SAR1B: variants seen among roughly 807,000 people sequenced by gnomAD.
SAR1B encodes the protein small COPII coat GTPase SAR1B.
A neutral mutation model predicts 26.8 loss-of-function variants in SAR1B; 23 were observed. That is an observed-to-expected ratio of 0.86 (90% confidence interval 0.62 to 1.22). The LOEUF is 1.22. Among genes scored for constraint, SAR1B ranks in the 50% most tolerant of loss-of-function variants. The pLI is 0.00. For synonymous variants in SAR1B, 65 were observed against 80.8 expected (o/e 0.80, Z 1.05); for missense variants, 196 against 232.8 (o/e 0.84, Z 1.03).
chr5:134,608,619 G>T, intron 5 of SAR1B, 116 bp from the exon 6 acceptor site: 1 of 1,155,416 alleles, frequency 8.7e-7, no homozygotes, highest in Non-Finnish European at 1.2e-6. Flanking sequence ...TCATACCAAC[G>T]TTCTTTGTCA....
In SAR1B at chr5:134,605,923, T is replaced by C. The variant is rs529857096; in HGVS notation, c.*1027A>G. 2.0e-5 allele frequency: 3 copies of C among 152,334 alleles called. No individual in the cohort carries two copies. The highest frequency in any genetic ancestry group is 1.3e-4 in the Admixed American group (2 of 15,290). The allele number at this position is 152,334 out of a possible 1,614,324, so 9.4% of individuals were successfully genotyped here. A position where few individuals can be genotyped will look rare whatever the true frequency, so the allele number is the denominator to read the frequency against. On this transcript the variant is annotated 3_prime_UTR_variant, in exon 7 of 7. Transcript: ENST00000402673. The stretch of plus-strand genomic sequence containing the variant: ...GAAACTGCACACAAGGTCCTACTTA[T>C]TGCTTGCCCCAGAGAGTACTGTTAA...
chr5:134,610,220 A>G (rs1352684250), intron 4 of SAR1B, among the ~76,000 whole-genome samples: 1 of 152,114 alleles, frequency 6.6e-6, no homozygotes, highest in Non-Finnish European at 1.5e-5. Flanking sequence ...TAATCCCAGC[A>G]CTTTGGAAGG....
chr5:134,607,178 T>C (rs1477022266), intron 6 of SAR1B, 112 bp from the exon 7 acceptor site: 3 of 808,660 alleles, frequency 3.7e-6, no homozygotes, highest in East Asian at 2.5e-5. Context: ...GATAAATCCA[T>C]GACTGTGATA....
intron 2 of SAR1B, among the ~76,000 whole-genome samples, chr5:134,621,706 G>T (rs1352560412): frequency 6.6e-6 from 1 of 152,080 alleles, no homozygotes; most frequent in Non-Finnish European, 1.5e-5. Context: ...TAATAGACTG[G>T]AATTGAACTG....
chr5:134,625,876 C>T (rs1376365339), intron 1 of SAR1B: 1 of 152,062 alleles, frequency 6.6e-6, no homozygotes, highest in East Asian at 1.9e-4. Context: ...TGGTGAAAAG[C>T]CTTGACAGAA....
intron 4 of SAR1B, among the ~76,000 whole-genome samples, chr5:134,612,382 A>G (rs191307588): frequency 3.9e-4 from 59 of 152,292 alleles, no homozygotes; most frequent in Non-Finnish European, 8.1e-4. Context: ...GATTTCATGC[A>G]CTAGAACTAA....
intron 4 of SAR1B, among the ~76,000 whole-genome samples, chr5:134,609,885 A>G (rs1404869828): frequency 6.6e-6 from 1 of 151,926 alleles, no homozygotes; most frequent in Non-Finnish European, 1.5e-5. Context: ...TGGGCAAGTC[A>G]AATACTTTAG....
At position 134,607,007 on chromosome 5, in the gene SAR1B, C is replaced by T; in HGVS notation, c.540G>A (p.Val180=). The change falls in exon 7 of 7, where the codon GTG becomes GTA. Residue 180 remains valine, a synonymous_variant. Transcript: ENST00000402673. Reference sequence around the variant, plus strand: ...CTTCTCCGTAACCTTGTCTTTTGAGCACACTACACATGAAAACTTCTAAGG... The same window carrying T: ...CTTCTCCGTAACCTTGTCTTTTGAGTACACTACACATGAAAACTTCTAAGG... ...ARPLEVFMCS[V]LKRQGYGEGF... is the part of the protein sequence containing the mutation. 1 of 1,614,080 alleles carries T rather than the reference C, an allele frequency of 6.2e-7. No homozygotes were observed. The highest frequency in any genetic ancestry group is 8.5e-7 in the Non-Finnish European group (1 of 1,179,970).
At chr5:134,608,771 T>A (rs1048530865) in intron 5 of SAR1B, among the ~76,000 whole-genome samples, 30 of 152,204 alleles carry the variant, frequency 2.0e-4, no homozygotes, top group African/African-American at 7.0e-4. Context: ...ACCTTAGAAG[T>A]GAACAGATGT....
At chr5:134,611,968 G>A (rs527564847) in intron 4 of SAR1B, among the ~76,000 whole-genome samples, 5 of 152,138 alleles carry the variant, frequency 3.3e-5, no homozygotes, top group African/African-American at 1.2e-4. Flanking sequence ...TTGGAGACAA[G>A]CCTGGGCAAC....
rs199832846 is a variant in SAR1B, at chr5:134,609,603, C to T, written c.316G>A (p.Glu106Lys). Residue 106 changes from glutamate (E) to lysine (K), a missense_variant, in exon 5 of 7, where the codon GAA becomes AAA. By Grantham distance (56) the Glu-to-Lys change is moderately conservative. Transcript: ENST00000402673. Reference sequence around the variant, plus strand: ...TCTTCTTTTGACTCTAACAGCCTTTCGTGGTCTGCACAATCCACCAGAAAT... The same window carrying T: ...TCTTCTTTTGACTCTAACAGCCTTTTGTGGTCTGCACAATCCACCAGAAAT... ...IVFLVDCADH[E>K]RLLESKEELD... 8 of 1,613,970 alleles carry T rather than the reference C, an allele frequency of 5.0e-6. No individual in the cohort carries two copies. The highest frequency in any genetic ancestry group is 1.1e-5 in the South Asian group (1 of 91,088).
At chr5:134,607,586 A>C (rs1765148549) in intron 6 of SAR1B, among the ~76,000 whole-genome samples, 1 of 152,072 alleles carries the variant, frequency 6.6e-6, no homozygotes, top group Non-Finnish European at 1.5e-5. Flanking sequence ...CAGACTGACC[A>C]ACATGGAGAA....
chr5:134,610,566 C>CAAAA (rs55682339), intron 4 of SAR1B, among the ~76,000 whole-genome samples: 1 of 39,026 alleles, frequency 2.6e-5, no homozygotes, highest in Non-Finnish European at 4.3e-5. Flanking sequence ...GACTCCGTCT[C>CAAAA]AAAAAAAAAA....
intron 6 of SAR1B, among the ~76,000 whole-genome samples, chr5:134,607,669 G>A (rs1765149581): frequency 1.3e-5 from 2 of 151,954 alleles, no homozygotes; most frequent in African/African-American, 4.8e-5. Flanking sequence ...CTACCAGGGA[G>A]GCTGAGGCAG....
chr5:134,601,442 TC>T lies in SAR1B; in HGVS notation c.*5507del, dbSNP rs1765032687. 5 of 152,152 alleles carry T rather than the reference TC, an allele frequency of 3.3e-5. No individual in the cohort carries two copies. The highest frequency in any genetic ancestry group is 7.4e-5 in the Non-Finnish European group (5 of 68,024). 9.4% of individuals were successfully genotyped at this position (152,152 alleles called of 1,614,324 possible). A position where few individuals can be genotyped will look rare whatever the true frequency, so the allele number is the denominator to read the frequency against. On this transcript the variant is annotated 3_prime_UTR_variant, in exon 7 of 7. Coordinates refer to ENST00000402673, the MANE Select transcript of SAR1B (RefSeq NM_016103.4). ...AAGGTTAGTGATTAACAACTTACCATCAATATACCACTTCAACATACTTTAC... is the reference window on the plus strand; with the variant it reads ...AAGGTTAGTGATTAACAACTTACCATAATATACCACTTCAACATACTTTAC...
At chr5:134,620,908 A>G in intron 3 of SAR1B, 25 bp downstream of exon 3, 3 of 1,613,030 alleles carry the variant, frequency 1.9e-6, no homozygotes, top group Non-Finnish European at 1.7e-6. Context: ...ATCAAGTATC[A>G]CATTGTATGT....
chr5:134,615,985 C>G (rs1765307347), intron 3 of SAR1B, among the ~76,000 whole-genome samples: 1 of 150,068 alleles, frequency 6.7e-6, no homozygotes, highest in Admixed American at 6.6e-5. Flanking sequence ...ACTAAAAATA[C>G]AAAAATTAGC....
At chr5:134,619,775 C>T (rs1459607679) in intron 3 of SAR1B, among the ~76,000 whole-genome samples, 1 of 152,056 alleles carries the variant, frequency 6.6e-6, no homozygotes, top group Non-Finnish European at 1.5e-5. Context: ...AACTGGTTAA[C>T]AAATTGAGTT....
In SAR1B at chr5:134,623,932, TA is replaced by T; in HGVS notation, c.58+29del. On this transcript the variant is annotated intron_variant, in intron 2 of 6. Coordinates refer to ENST00000402673, the MANE Select transcript of SAR1B (RefSeq NM_016103.4). ...ATTAAATAAATAAGACCAAAGGGGA[TA>T]ACTGTAGAGAACAAAGGACCAACAT... 2 of 1,460,642 alleles carry T rather than the reference TA, an allele frequency of 1.4e-6. 1 individual carries two copies. Among genetic ancestry groups the T allele is most frequent in the Middle Eastern group, 3.5e-4 (2 of 5,784 alleles). The allele number at this position is 1,460,642 out of a possible 1,614,324, so 90.5% of individuals were successfully genotyped here.
Sources: allele counts gnomAD v4.1 joint callset (sites outside exome capture counted in the v4.1 genomes callset), GRCh38; gene constraint gnomAD v4.1.1; transcripts MANE v1.5; gene names NCBI Gene and HGNC (gene_info 2026-07-23, HGNC 2026-07-21).